KIAA0513: variants seen among roughly 807,000 people sequenced by gnomAD.
KIAA0513 encodes KIAA0513.
In KIAA0513, 39 loss-of-function variants were observed where a neutral mutation model predicts 56.5. The ratio of observed to expected loss-of-function variants is 0.69; its 90% CI spans 0.53 to 0.90. The LOEUF (loss-of-function observed/expected upper bound fraction) is 0.90, where lower values mean the gene tolerates loss of function less well. Among genes scored for constraint, KIAA0513 ranks in the 40% least tolerant of loss-of-function variants. The probability of loss-of-function intolerance (pLI) is 0.00; values close to 1 mark genes in which losing one functional copy is unlikely to be tolerated. For missense variants in KIAA0513, 591 were observed against 535.2 expected, an observed-to-expected ratio of 1.10 and a Z score of -1.03; for synonymous variants, 268 against 215.6, an observed-to-expected ratio of 1.24 and a Z score of -2.13.
chr16:85,085,620 A>G (rs769493380), intron 10 of KIAA0513, among the ~76,000 whole-genome samples: 4 of 152,212 alleles, frequency 2.6e-5, no homozygotes, highest in African/African-American at 4.8e-5. Context: ...GGAGTTGTGT[A>G]AGGGTCGGGG....
chr16:85,041,963 C>T (rs184461316), intron 1 of KIAA0513, among the ~76,000 whole-genome samples: 86 of 152,304 alleles, frequency 5.6e-4, no homozygotes, highest in Admixed American at 1.4e-3. Flanking sequence ...ACTCCTGTCC[C>T]TCCTTGTCTG....
chr16:85,029,190 C>T (rs1375841414), intron 1 of KIAA0513, among the ~76,000 whole-genome samples: 1 of 152,134 alleles, frequency 6.6e-6, no homozygotes, highest in African/African-American at 2.4e-5. Flanking sequence ...TTGAAATTGG[C>T]TCGCAATGAA....
intron 1 of KIAA0513, among the ~76,000 whole-genome samples, chr16:85,051,696 T>A (rs955090566): frequency 3.3e-5 from 5 of 152,186 alleles, no homozygotes; most frequent in Non-Finnish European, 7.3e-5. Flanking sequence ...ATGGTAAATT[T>A]CAACTTTCTC....
chr16:85,030,676 G>A (rs1250221822), intron 1 of KIAA0513, among the ~76,000 whole-genome samples: 5 of 151,780 alleles, frequency 3.3e-5, no homozygotes, highest in South Asian at 2.1e-4. Context: ...CCCAGGAGGC[G>A]GAGGTTGCAG....
rs368144741 is a variant in KIAA0513, at chr16:85,060,569, C to T, written c.-172-6331C>T. Among the ~76,000 whole-genome samples the T allele has an allele frequency of 1.9e-4, 29 of 152,228 alleles. No individual in the cohort carries two copies. The East Asian group carries it at 2.9e-3, about 15-fold the overall frequency. ...GAAATGAAGGTCAGGCCAGGCACGG[C>T]GGCTCACGCCTGTAATCCCAGCACT... On this transcript the variant is annotated intron_variant, in intron 1 of 12. Transcript: ENST00000683363.
intron 4 of KIAA0513, among the ~76,000 whole-genome samples, chr16:85,074,143 T>G (rs893696119): frequency 5.3e-5 from 8 of 151,802 alleles, no homozygotes; most frequent in Admixed American, 4.6e-4. Context: ...CCCAGCTAAT[T>G]TTTGTATTTT....
chr16:85,056,730 C>T (rs776440449), intron 1 of KIAA0513, among the ~76,000 whole-genome samples: 1 of 152,158 alleles, frequency 6.6e-6, no homozygotes, highest in Non-Finnish European at 1.5e-5. Flanking sequence ...GGTGGGGTCT[C>T]ACTCTGTCAC....
At chr16:85,071,710 T>C (rs2073576442) in intron 2 of KIAA0513, 73 bp from the exon 3 acceptor site, 2 of 1,226,102 alleles carry the variant, frequency 1.6e-6, no homozygotes, top group South Asian at 1.4e-5. Context: ...TTCTCCTTGC[T>C]CTTCCCCTGT....
intron 10 of KIAA0513, among the ~76,000 whole-genome samples, chr16:85,082,893 A>C (rs1305919362): frequency 2.0e-5 from 3 of 152,260 alleles, no homozygotes; most frequent in African/African-American, 7.2e-5. Context: ...CTCGAGAGGC[A>C]AAGGCGGTGA....
intron 1 of KIAA0513, among the ~76,000 whole-genome samples, chr16:85,030,904 A>G (rs1280071086): frequency 3.3e-5 from 5 of 152,186 alleles, no homozygotes; most frequent in African/African-American, 7.2e-5. Flanking sequence ...GTGGTATAAA[A>G]CAATGGAAAG....
At chr16:85,079,226 A>G (rs1300328300) in intron 8 of KIAA0513, 2 of 943,996 alleles carry the variant, frequency 2.1e-6, no homozygotes, top group Non-Finnish European at 3.0e-6. Context: ...GCAGCCGCTG[A>G]GAAACAGTCT....
intron 2 of KIAA0513, among the ~76,000 whole-genome samples, chr16:85,070,351 G>A (rs550815161): frequency 2.0e-5 from 3 of 152,138 alleles, no homozygotes; most frequent in Non-Finnish European, 2.9e-5. Context: ...AAAGAGAACC[G>A]TTATATGATA....
intron 2 of KIAA0513, among the ~76,000 whole-genome samples, chr16:85,071,352 A>G (rs955768022): frequency 2.0e-5 from 3 of 152,334 alleles, no homozygotes; most frequent in Admixed American, 6.5e-5. Flanking sequence ...GAGCAAATTC[A>G]GGATGTCTTA....
At position 85,081,288 on chromosome 16, in the gene KIAA0513, G is replaced by A; in HGVS notation, c.903-27G>A. ...TGTCCTCCCCGCCTCCCCTTGGAGA[G>A]AGTGTGACTGGGGCTCTGTCTTGCA... On this transcript the variant is annotated intron_variant, in intron 8 of 12. Transcript: ENST00000683363. The surrounding 1 kb of genome is among the most constrained non-coding windows in gnomAD (Gnocchi z 4.4). 1 of 1,611,450 alleles carries A rather than the reference G, an allele frequency of 6.2e-7. No homozygotes were observed. Among genetic ancestry groups the A allele is most frequent in the Non-Finnish European group, 8.5e-7 (1 of 1,177,994 alleles).
intron 1 of KIAA0513, among the ~76,000 whole-genome samples, chr16:85,066,639 G>C (rs767162109): frequency 6.6e-6 from 1 of 152,196 alleles, no homozygotes; most frequent in Non-Finnish European, 1.5e-5. Context: ...GGCTGGAGCG[G>C]GGAGGAGGCC....
chr16:85,054,421 C>CTTTTTTTTTTTTTTTTTTTTTTT (rs398042273), intron 1 of KIAA0513, among the ~76,000 whole-genome samples: 3 of 119,556 alleles, frequency 2.5e-5, no homozygotes, highest in Non-Finnish European at 5.1e-5. Context: ...TTTTTCTTTT[C>CTTTTTTTTTTTTTTTTTTTTTTT]TTTTTTTTTT....
At chr16:85,075,445 C>T (rs923460787) in intron 4 of KIAA0513, among the ~76,000 whole-genome samples, 2 of 152,184 alleles carry the variant, frequency 1.3e-5, no homozygotes, top group Non-Finnish European at 2.9e-5. Flanking sequence ...GCCAGGGATG[C>T]GGGGAAGGTC....
intron 1 of KIAA0513, among the ~76,000 whole-genome samples, chr16:85,032,642 T>A (rs553876266): frequency 6.6e-6 from 1 of 152,258 alleles, no homozygotes; most frequent in East Asian, 1.9e-4. Flanking sequence ...AAAGACCCTT[T>A]TTTTTTGAGA....
intron 2 of KIAA0513, 27 bp from the exon 3 acceptor site, chr16:85,071,756 T>TC (rs1462808031): frequency 2.0e-6 from 3 of 1,501,356 alleles, no homozygotes; most frequent in African/African-American, 1.5e-5. Flanking sequence ...TTTTTTTTTT[T>TC]CCTCTGCTCT....
Sources: allele counts gnomAD v4.1 joint callset (sites outside exome capture counted in the v4.1 genomes callset), GRCh38; gene constraint gnomAD v4.1.1; non-coding constraint Gnocchi (gnomAD v3.1); transcripts MANE v1.5; gene names NCBI Gene and HGNC (gene_info 2026-07-23, HGNC 2026-07-21).